Variants in PHLPP1 observed in about 807,000 individuals in gnomAD.
PHLPP1 encodes the protein PH domain and leucine rich repeat protein phosphatase 1.
A neutral mutation model predicts 117.2 loss-of-function variants in PHLPP1; 42 were observed. That is an observed-to-expected ratio of 0.36 (90% confidence interval 0.28 to 0.46). The LOEUF (loss-of-function observed/expected upper bound fraction) is 0.46. Ranked by LOEUF, PHLPP1 falls within the 20% of genes least tolerant of loss-of-function variation. The pLI is 1.00. For missense variants in PHLPP1, 2,084 were observed against 2,241.9 expected, an observed-to-expected ratio of 0.93 and a Z score of 1.42; for synonymous variants, 1,042 against 970.7, an observed-to-expected ratio of 1.07 and a Z score of -1.37.
intron 2 of PHLPP1, among the ~76,000 whole-genome samples, chr18:62,837,382 A>G (rs1259104617): frequency 6.6e-6 from 1 of 152,126 alleles, no homozygotes; most frequent in Non-Finnish European, 1.5e-5. Context: ...TGTTCATAAT[A>G]TTCTCTTCTT....
At chr18:62,945,015 A>G (rs889517734) in intron 11 of PHLPP1, 94 bp from the exon 12 acceptor site, 25 of 960,848 alleles carry the variant, frequency 2.6e-5, no homozygotes, top group Non-Finnish European at 3.3e-5. Flanking sequence ...TGACTGTTAC[A>G]AATGAATCCT....
chr18:62,921,833 T>C (rs1383033334), intron 10 of PHLPP1, among the ~76,000 whole-genome samples: 1 of 152,210 alleles, frequency 6.6e-6, no homozygotes, highest in Non-Finnish European at 1.5e-5. Context: ...TACATATTTA[T>C]GGAAATGGTT....
chr18:62,914,596 G>A (rs1195325072), intron 8 of PHLPP1, among the ~76,000 whole-genome samples: 2 of 152,142 alleles, frequency 1.3e-5, no homozygotes, highest in African/African-American at 2.4e-5. Context: ...GCCACCATGA[G>A]CAACTAATTT....
At chr18:62,925,122 T>C (rs908922024) in intron 10 of PHLPP1, among the ~76,000 whole-genome samples, 2 of 152,026 alleles carry the variant, frequency 1.3e-5, no homozygotes, top group African/African-American at 4.8e-5. Context: ...AACAGATGGG[T>C]GCAAGGAGGG....
rs1157489738 is a variant in PHLPP1 at position 62,902,982 on chromosome 18, G to A, written c.2463G>A (p.Lys821=). The A allele has an allele frequency of 1.2e-6, 2 of 1,611,332 alleles. No individual in the cohort carries two copies. The highest frequency in any genetic ancestry group is 2.2e-5 in the South Asian group (2 of 91,044). ...CCTCAAGGTTGAACGTAATTAGGAA[G>A]CTGATAGCAGATGAAGTGGACTTTC... ...HVDLRLNVIR[K]LIADEVDFLQ... Residue 821 remains lysine (K), a synonymous_variant, in exon 7 of 17, where the codon AAG becomes AAA. Transcript: ENST00000262719.
intron 14 of PHLPP1, among the ~76,000 whole-genome samples, chr18:62,967,898 C>T (rs1263352029): frequency 1.3e-5 from 2 of 151,342 alleles, no homozygotes; most frequent in Non-Finnish European, 2.9e-5. Context: ...GATCTCGGTT[C>T]ACCGCAACCT....
chr18:62,902,779 G>A (rs539424851), intron 6 of PHLPP1, among the ~76,000 whole-genome samples, 185 bp from the exon 7 acceptor site: 4 of 152,230 alleles, frequency 2.6e-5, no homozygotes, highest in African/African-American at 7.2e-5. Context: ...AAAACCTCCT[G>A]GAATTATAGC....
intron 4 of PHLPP1, among the ~76,000 whole-genome samples, chr18:62,890,850 A>T (rs966443444): frequency 6.6e-6 from 1 of 152,144 alleles, no homozygotes; most frequent in Admixed American, 6.5e-5. Flanking sequence ...TCCTAGAGGA[A>T]CTTTTTTTTA....
intron 1 of PHLPP1, among the ~76,000 whole-genome samples, chr18:62,743,207 C>G (rs1003539983): frequency 6.6e-6 from 1 of 151,880 alleles, no homozygotes; most frequent in Non-Finnish European, 1.5e-5. Flanking sequence ...TTCTTTTTCC[C>G]TCTCTTGGTT....
chr18:62,857,895 G>T (rs1286570182), intron 3 of PHLPP1, among the ~76,000 whole-genome samples: 3 of 152,168 alleles, frequency 2.0e-5, no homozygotes, highest in Non-Finnish European at 4.4e-5. Context: ...ATTTTTGAAT[G>T]AATGATTCCA....
chr18:62,890,849 A>G (rs2144393932), intron 4 of PHLPP1, among the ~76,000 whole-genome samples: 1 of 152,124 alleles, frequency 6.6e-6, no homozygotes, highest in South Asian at 2.1e-4. Flanking sequence ...TTCCTAGAGG[A>G]ACTTTTTTTT....
intron 14 of PHLPP1, among the ~76,000 whole-genome samples, chr18:62,971,893 G>A (rs1235273151): frequency 1.3e-5 from 2 of 152,006 alleles, no homozygotes; most frequent in African/African-American, 4.8e-5. Flanking sequence ...AAAATTAGCT[G>A]GGCATGGTGG....
chr18:62,868,421 T>C (rs1416391966), intron 4 of PHLPP1, among the ~76,000 whole-genome samples: 2 of 151,742 alleles, frequency 1.3e-5, no homozygotes, highest in African/African-American at 2.4e-5. Flanking sequence ...GAGGTCATGT[T>C]GGCCAGCCTG....
chr18:62,953,483 G>A (rs991404375), intron 12 of PHLPP1, among the ~76,000 whole-genome samples: 8 of 152,150 alleles, frequency 5.3e-5, no homozygotes, highest in African/African-American at 1.7e-4. Context: ...CCTCTCTGGG[G>A]TCTTGTTATC....
chr18:62,860,630 A>C, intron 4 of PHLPP1, 29 bp downstream of exon 4: 1 of 1,581,496 alleles, frequency 6.3e-7, no homozygotes, highest in South Asian at 1.1e-5. Context: ...GTAGATCATT[A>C]GGAAGGGGTG....
At position 62,979,173 on chromosome 18, in the gene PHLPP1, G is replaced by C; in HGVS notation, c.4896G>C (p.Arg1632Ser). The C allele has an allele frequency of 6.2e-7, 1 of 1,613,922 alleles. No homozygotes were observed. Among genetic ancestry groups the C allele is most frequent in the Non-Finnish European group, 8.5e-7 (1 of 1,179,860 alleles). Residue 1632 changes from arginine to serine, a missense_variant, in exon 17 of 17, where the codon AGG becomes AGC. Physicochemically the swap from Arg to Ser is moderately radical, Grantham distance 110 (BLOSUM62 -1). This residue lies in a region of PHLPP1 where 1,365 missense variants were observed against 1,605.9 expected (regional missense o/e 0.85). Transcript: ENST00000262719. ...ATGGCTCTGTTGCGCCCCAGGAAAG[G>C]AGCCACAATGTGATAGAGGTGGCTA... ...RANGSVAPQE[R>S]SHNVIEVATD...
chr18:62,895,141 G>A lies in PHLPP1; in HGVS notation c.2197G>A (p.Val733Ile), dbSNP rs376292612. ...TGCCCTGCGATCAGTCCCGGCAGCCGTTGGAGTGATGCACAAGTGTGTACT... is the reference window on the plus strand; with the variant it reads ...TGCCCTGCGATCAGTCCCGGCAGCCATTGGAGTGATGCACAAGTGTGTACT... The part of the protein sequence containing the change: ...CNALRSVPAA[V>I]GVMHNLQTFL... Residue 733 changes from valine to isoleucine, a missense_variant, in exon 5 of 17, where the codon GTT becomes ATT. Around this residue, in one of 2 missense-constraint regions of PHLPP1, gnomAD observed 1,365 missense variants for 1,605.9 expected, o/e 0.85. Transcript: ENST00000262719. 6.2e-6 allele frequency: 10 copies of A among 1,613,604 alleles called. No individual in the cohort carries two copies. Among genetic ancestry groups the A allele is most frequent in the South Asian group, 4.4e-5 (4 of 91,076 alleles).
At chr18:62,828,242 C>T (rs745826481) in intron 1 of PHLPP1, among the ~76,000 whole-genome samples, 10 of 152,230 alleles carry the variant, frequency 6.6e-5, no homozygotes, top group South Asian at 2.1e-4. Context: ...CTGGAAACCC[C>T]GGCATCTTCC....
chr18:62,852,573 G>C (rs1915385143), intron 3 of PHLPP1, among the ~76,000 whole-genome samples: 3 of 152,156 alleles, frequency 2.0e-5, no homozygotes, highest in Admixed American at 2.0e-4. Flanking sequence ...TCGATCTCCT[G>C]ACATCATGAT....
Sources: gnomAD v4.1 joint callset for allele counts (sites outside exome capture counted in the v4.1 genomes callset) on GRCh38, gnomAD v4.1.1 for gene constraint, gnomAD v4.1.1 regional missense constraint, MANE v1.5 for transcripts, NCBI Gene and HGNC (gene_info 2026-07-23, HGNC 2026-07-21) for gene names.